The following DNAI7 variants were observed in gnomAD, a reference collection of about 807,000 sequenced individuals.
The protein encoded by DNAI7 is cancer susceptibility 1.
A neutral mutation model predicts 86.6 loss-of-function variants in DNAI7; 78 were observed. The observed-to-expected ratio is 0.90, with a 90% CI of 0.75 to 1.09. The LOEUF is 1.09. Among genes scored for constraint, DNAI7 ranks in the 50% least tolerant of loss-of-function variants. The pLI is 0.00. For missense variants in DNAI7, 753 were observed against 810.2 expected, an observed-to-expected ratio of 0.93 and a Z score of 0.86; for synonymous variants, 274 against 273.0, an observed-to-expected ratio of 1.00 and a Z score of -0.04.
Position 25,154,535 on chromosome 12 carries a change from A to G in DNAI7, c.301-79T>C, listed in dbSNP as rs185161495. The G allele has an allele frequency of 8.7e-5, 128 of 1,474,962 alleles. 1 individual carries two copies. The African/African-American group carries it at 1.5e-3, about 17-fold the overall frequency. 91.4% of individuals were successfully genotyped at this position (1,474,962 alleles called of 1,614,324 possible). On this transcript the variant is annotated intron_variant, in intron 5 of 15. Coordinates refer to ENST00000395987, the MANE Select transcript of DNAI7 (RefSeq NM_018272.5). Reference sequence around the variant, plus strand: ...TAAATGACTTCTTTTTTGAAGGTGAATTTTTATAACCTAGTTTAACCAACT... The same window carrying G: ...TAAATGACTTCTTTTTTGAAGGTGAGTTTTTATAACCTAGTTTAACCAACT...
intron 9 of DNAI7, among the ~76,000 whole-genome samples, chr12:25,140,816 T>C (rs1944100291): frequency 6.6e-6 from 1 of 152,024 alleles, no homozygotes; most frequent in African/African-American, 2.4e-5. Flanking sequence ...AACTATACTA[T>C]TAAGCTATAG....
At chr12:25,152,281 A>G (rs1158509252) in intron 6 of DNAI7, among the ~76,000 whole-genome samples, 1 of 152,230 alleles carries the variant, frequency 6.6e-6, no homozygotes, top group Non-Finnish European at 1.5e-5. Context: ...ATGTGATTAG[A>G]GGGCTGAAAC....
chr12:25,174,595 T>TC (rs1565812840), intron 2 of DNAI7, among the ~76,000 whole-genome samples: 8 of 71,446 alleles, frequency 1.1e-4, no homozygotes, highest in African/African-American at 5.1e-4. Flanking sequence ...ATATATGGGA[T>TC]ATATATATGA....
intron 2 of DNAI7, among the ~76,000 whole-genome samples, chr12:25,164,413 G>T (rs927415507): frequency 6.6e-6 from 1 of 151,616 alleles, no homozygotes; most frequent in African/African-American, 2.4e-5. Context: ...GCAAGCTCCC[G>T]CCCTCCATTC....
intron 13 of DNAI7, among the ~76,000 whole-genome samples, chr12:25,112,509 C>G (rs1939116155): frequency 6.7e-6 from 1 of 149,260 alleles, no homozygotes; most frequent in Admixed American, 6.7e-5. Context: ...CAGGTTCACA[C>G]CATTCTCCTG....
chr12:25,167,389 T>C (rs1592578446), intron 2 of DNAI7, among the ~76,000 whole-genome samples: 1 of 152,264 alleles, frequency 6.6e-6, no homozygotes, highest in East Asian at 1.9e-4. Flanking sequence ...AGTGGATAGA[T>C]GATCTCTGCT....
chr12:25,107,076 A>G (rs759186878), downstream of DNAI7: 26 of 1,335,398 alleles, frequency 1.9e-5, no homozygotes, highest in Admixed American at 8.9e-5. Context: ...GATAAATTCT[A>G]CCATTTTAGT....
chr12:25,134,242 T>C (rs1943267801), intron 9 of DNAI7, among the ~76,000 whole-genome samples: 1 of 152,136 alleles, frequency 6.6e-6, no homozygotes, highest in Non-Finnish European at 1.5e-5. Flanking sequence ...GGGATCCTCT[T>C]GTTTAGGCCT....
At chr12:25,143,424 A>G (rs1210355312) in intron 9 of DNAI7, among the ~76,000 whole-genome samples, 1 of 150,874 alleles carries the variant, frequency 6.6e-6, no homozygotes, top group Non-Finnish European at 1.5e-5. Flanking sequence ...AATTTTCTGT[A>G]TTTTTAGCAG....
chr12:25,194,938 A>AC, intron 1 of DNAI7, 138 bp downstream of exon 1: 2 of 1,614,098 alleles, frequency 1.2e-6, no homozygotes, highest in South Asian at 1.1e-5. Flanking sequence ...GGGCCGACCC[A>AC]CCCCAAGGTA....
chr12:25,140,126 A>G (rs1451767471), intron 9 of DNAI7, among the ~76,000 whole-genome samples: 2 of 152,188 alleles, frequency 1.3e-5, no homozygotes, highest in East Asian at 3.8e-4. Flanking sequence ...TACCCCTGAG[A>G]ACTGGAACAA....
chr12:25,117,496 G>A (rs1437345022), intron 12 of DNAI7, among the ~76,000 whole-genome samples: 1 of 151,804 alleles, frequency 6.6e-6, no homozygotes, highest in African/African-American at 2.4e-5. Context: ...ACCAACAGAT[G>A]GATATAAAAC....
intron 9 of DNAI7, among the ~76,000 whole-genome samples, chr12:25,135,515 C>G (rs546882710): frequency 3.2e-4 from 49 of 152,180 alleles, no homozygotes; most frequent in South Asian, 3.1e-3. Context: ...ATGGGAAGTA[C>G]AGACACAAGC....
chr12:25,175,813 C>G (rs1416125119), intron 2 of DNAI7, among the ~76,000 whole-genome samples: 1 of 151,904 alleles, frequency 6.6e-6, no homozygotes, highest in Non-Finnish European at 1.5e-5. Context: ...GGTGTGGTGG[C>G]TCACACCTGT....
intron 3 of DNAI7, among the ~76,000 whole-genome samples, chr12:25,160,527 AC>A (rs1235186671): frequency 2.0e-5 from 3 of 152,062 alleles, no homozygotes; most frequent in Non-Finnish European, 4.4e-5. Flanking sequence ...CAAAGCGCTC[AC>A]CCCGTCATTC....
intron 2 of DNAI7, among the ~76,000 whole-genome samples, chr12:25,187,902 CAA>C (rs11365320): frequency 1.1e-3 from 164 of 151,306 alleles, no homozygotes; most frequent in Middle Eastern, 3.4e-3. Flanking sequence ...TAATGCAGAG[CAA>C]AAAAAAAAGA....
In DNAI7 at chr12:25,119,175, C is replaced by A; in HGVS notation, c.1366G>T (p.Asp456Tyr). 6.2e-7 allele frequency: 1 copy of A among 1,609,792 alleles called. No homozygotes were observed. Among genetic ancestry groups the A allele is most frequent in the Non-Finnish European group, 8.5e-7 (1 of 1,178,758 alleles). ...GCATCCCACCTTACAACCACAGGAT[C>A]CTCAAAAAAGATTACATTCTCATGA... is the stretch of plus-strand genomic sequence containing the variant. ...EVHENVIFFE[D>Y]PVVVRWDAEG... The change falls in exon 12 of 16, where the codon GAT (aspartate) becomes TAT (tyrosine). Residue 456 changes from aspartate to tyrosine, a missense_variant. Transcript: ENST00000395987.
At chr12:25,166,374 CATT>C (rs1356469485) in intron 2 of DNAI7, among the ~76,000 whole-genome samples, 3 of 152,122 alleles carry the variant, frequency 2.0e-5, no homozygotes, top group Non-Finnish European at 4.4e-5. Context: ...CTCCACAACC[CATT>C]ATTCTGTTCT....
At chr12:25,177,437 T>A (rs1244443086) in intron 2 of DNAI7, among the ~76,000 whole-genome samples, 3 of 152,252 alleles carry the variant, frequency 2.0e-5, no homozygotes, top group Non-Finnish European at 2.9e-5. Context: ...CCCTCATTTG[T>A]GATTTACTTC....
Sources: gnomAD v4.1 joint callset for allele counts (sites outside exome capture counted in the v4.1 genomes callset) on GRCh38, gnomAD v4.1.1 for gene constraint, MANE v1.5 for transcripts, NCBI Gene and HGNC (gene_info 2026-07-23, HGNC 2026-07-21) for gene names.